Variants in PTPRD observed in about 807,000 individuals in gnomAD.
PTPRD encodes the protein receptor-type tyrosine-protein phosphatase delta.
Under a neutral mutation model 214.5 loss-of-function variants are expected in PTPRD, and 34 were observed. The observed-to-expected ratio is 0.16, with a 90% CI of 0.12 to 0.21. The LOEUF is 0.21. Among genes scored for constraint, PTPRD ranks in the 10% least tolerant of loss-of-function variants. The pLI is 1.00. For synonymous variants in PTPRD, 1,128 were observed against 845.7 expected (o/e 1.33, Z -5.79); for missense variants, 2,545 against 2,398.7 (o/e 1.06, Z -1.27).
chr9:9,029,568 C>T (rs1225848113), intron 10 of PTPRD, among the ~76,000 whole-genome samples: 1 of 151,806 alleles, frequency 6.6e-6, no homozygotes, highest in African/African-American at 2.4e-5. Flanking sequence ...ATAATTAACA[C>T]CAGTGACTAG....
chr9:10,565,171 C>A (rs773375082), intron 2 of PTPRD, among the ~76,000 whole-genome samples: 1 of 151,952 alleles, frequency 6.6e-6, no homozygotes, highest in Admixed American at 6.6e-5. Context: ...TAAATGTAGG[C>A]ACGTATTTCT....
chr9:9,548,698 G>C (rs1162948830), intron 8 of PTPRD, among the ~76,000 whole-genome samples: 1 of 152,072 alleles, frequency 6.6e-6, no homozygotes, highest in African/African-American at 2.4e-5. Flanking sequence ...TATAAGCACT[G>C]ATCATAAGAA....
chr9:9,793,709 A>G (rs1410128167), intron 5 of PTPRD, among the ~76,000 whole-genome samples: 1 of 152,152 alleles, frequency 6.6e-6, no homozygotes, highest in Non-Finnish European at 1.5e-5. Flanking sequence ...TATTTTAGAA[A>G]AAAAAATGTA....
At chr9:9,008,883 AG>A (rs896510724) in intron 11 of PTPRD, among the ~76,000 whole-genome samples, 3 of 152,298 alleles carry the variant, frequency 2.0e-5, no homozygotes, top group Non-Finnish European at 4.4e-5. Flanking sequence ...TGTCAGGTAA[AG>A]CATAAGGACA....
chr9:8,548,087 T>G (rs919776625), intron 14 of PTPRD, among the ~76,000 whole-genome samples: 34 of 152,106 alleles, frequency 2.2e-4, no homozygotes, highest in African/African-American at 8.0e-4. Context: ...CCAGAGAAGG[T>G]AGATCTAAGA....
rs1227799696 is a variant in PTPRD, at chr9:8,321,477, G to GTATATATA, written c.5535-1512_5535-1511insTATATATA. Reference sequence around the variant, plus strand: ...AAGTCTTCTTTGTGTGTGTGTGTGTGTGTGTGTGTGTATATATATATATAT... The same window carrying GTATATATA: ...AAGTCTTCTTTGTGTGTGTGTGTGTGTATATATATGTGTGTGTGTATATATATATATAT... On this transcript the variant is annotated intron_variant, in intron 44 of 45. Coordinates refer to ENST00000381196, the MANE Select transcript of PTPRD (RefSeq NM_002839.4). Among the ~76,000 whole-genome samples the GTATATATA allele has an allele frequency of 3.3e-4, 25 of 75,346 alleles. 1 individual carries two copies. The highest frequency in any genetic ancestry group is 8.1e-4 in the African/African-American group (14 of 17,192). The allele number at this position is 75,346 out of a possible 152,430, so 49.4% of individuals were successfully genotyped here. A position where few individuals can be genotyped will look rare whatever the true frequency, so the allele number is the denominator to read the frequency against.
chr9:8,970,917 A>AAAC (rs35075286), intron 11 of PTPRD, among the ~76,000 whole-genome samples: 40,396 of 149,516 alleles, frequency 0.27, 5,897 homozygotes, highest in Non-Finnish European at 0.33. Context: ...AAACAAAACA[A>AAAC]AACAACAACA....
chr9:8,836,103 C>G (rs2097415723), intron 11 of PTPRD, among the ~76,000 whole-genome samples: 2 of 152,078 alleles, frequency 1.3e-5, no homozygotes, highest in Non-Finnish European at 2.9e-5. Context: ...CTTTTTATGT[C>G]CTAGAGTTTT....
chr9:8,533,248 T>C (rs1018762094), intron 14 of PTPRD, among the ~76,000 whole-genome samples: 1 of 152,028 alleles, frequency 6.6e-6, no homozygotes, highest in Non-Finnish European at 1.5e-5. Flanking sequence ...TGGTCCTAAG[T>C]AGCTCTTCTT....
At chr9:8,644,497 C>T (rs2096645273) in intron 12 of PTPRD, among the ~76,000 whole-genome samples, 1 of 152,188 alleles carries the variant, frequency 6.6e-6, no homozygotes, top group Non-Finnish European at 1.5e-5. Flanking sequence ...GAAACATGCC[C>T]CTTGCTCACC....
Position 9,233,396 on chromosome 9 carries a change from C to T in PTPRD, c.-202-50033G>A, listed in dbSNP as rs146414496. Reference sequence around the variant, plus strand: ...CAACATGTGGAAATTATGGGAACTACAATTCAAGATGAGATTTGGGTGGTG... The same window carrying T: ...CAACATGTGGAAATTATGGGAACTATAATTCAAGATGAGATTTGGGTGGTG... On this transcript the variant is annotated intron_variant, in intron 9 of 45. Coordinates refer to ENST00000381196, the MANE Select transcript of PTPRD (RefSeq NM_002839.4). 4.1e-3 allele frequency among the ~76,000 whole-genome samples: 629 copies of T among 152,284 alleles called. 2 individuals are homozygous for T. Among genetic ancestry groups the T allele is most frequent in the African/African-American group, 0.015 (603 of 41,566 alleles).
At chr9:8,639,358 C>T (rs1274885738) in intron 12 of PTPRD, among the ~76,000 whole-genome samples, 1 of 152,078 alleles carries the variant, frequency 6.6e-6, no homozygotes, top group Non-Finnish European at 1.5e-5. Context: ...TCCCTAGAAA[C>T]ACAAAATAGA....
intron 11 of PTPRD, among the ~76,000 whole-genome samples, chr9:8,851,551 AATTTTT>A (rs1234382549): frequency 6.6e-6 from 1 of 152,228 alleles, no homozygotes; most frequent in African/African-American, 2.4e-5. Flanking sequence ...AACAGATCTT[AATTTTT>A]AAGTCAAGTG....
chr9:8,637,124 C>A (rs2096461353), intron 12 of PTPRD, among the ~76,000 whole-genome samples: 1 of 152,144 alleles, frequency 6.6e-6, no homozygotes. Flanking sequence ...CAACATCACA[C>A]ATTAATTTTT....
At chr9:8,320,074 T>G in intron 44 of PTPRD, 108 bp from the exon 45 acceptor site, 2 of 1,336,718 alleles carry the variant, frequency 1.5e-6, no homozygotes, top group Non-Finnish European at 2.0e-6. Context: ...CGTATCTCTT[T>G]ATAGCCATAT....
intron 12 of PTPRD, among the ~76,000 whole-genome samples, chr9:8,676,651 G>A (rs1401394673): frequency 3.3e-5 from 5 of 152,076 alleles, no homozygotes; most frequent in African/African-American, 7.2e-5. Context: ...TCGGCTCACC[G>A]CCACCACTGC....
chr9:8,642,373 T>G (rs1291279718), intron 12 of PTPRD, among the ~76,000 whole-genome samples: 1 of 152,242 alleles, frequency 6.6e-6, no homozygotes, highest in African/African-American at 2.4e-5. Flanking sequence ...GTTTTGTTTT[T>G]AAAGGGCTGT....
At chr9:9,906,571 T>C (rs1262206947) in intron 5 of PTPRD, among the ~76,000 whole-genome samples, 1 of 151,940 alleles carries the variant, frequency 6.6e-6, no homozygotes, top group Non-Finnish European at 1.5e-5. Context: ...AGACAGACAT[T>C]CCTATGACAC....
At chr9:9,730,836 G>A (rs887402327) in intron 7 of PTPRD, among the ~76,000 whole-genome samples, 2 of 152,134 alleles carry the variant, frequency 1.3e-5, no homozygotes, top group Non-Finnish European at 2.9e-5. Flanking sequence ...AGCATGAAAT[G>A]AGAATACACA....
Sources: allele counts gnomAD v4.1 joint callset (sites outside exome capture counted in the v4.1 genomes callset), GRCh38; gene constraint gnomAD v4.1.1; transcripts MANE v1.5; gene names NCBI Gene and HGNC (gene_info 2026-07-23, HGNC 2026-07-21).